COPG2: variants seen among roughly 807,000 people sequenced by gnomAD.
COPG2 encodes the protein coat protein complex I subunit gamma 2, also known as coatomer subunit gamma-2.
A neutral mutation model predicts 46.3 loss-of-function variants in COPG2; 37 were observed. The observed-to-expected ratio is 0.80, with a 90% CI of 0.61 to 1.05. The LOEUF is 1.05. COPG2 is among the 50% of genes least tolerant of loss of function. COPG2 has a pLI of 0.00. For synonymous variants in COPG2, 159 were observed against 129.7 expected, an observed-to-expected ratio of 1.23 and a Z score of -1.53; for missense variants, 427 against 387.8, an observed-to-expected ratio of 1.10 and a Z score of -0.85.
intron 18 of COPG2, 99 bp from the exon 19 acceptor site, chr7:130,548,641 G>A (rs1394087551): frequency 7.6e-6 from 3 of 392,210 alleles, no homozygotes; most frequent in Non-Finnish European, 1.3e-5. Flanking sequence ...AGTGGCTCAC[G>A]CCTGTAATCC....
chr7:130,549,428 C>G (rs1793499440), intron 17 of COPG2, 52 bp from the exon 18 acceptor site: 1 of 398,344 alleles, frequency 2.5e-6, no homozygotes, highest in Non-Finnish European at 4.4e-6. Context: ...TACTATCAAG[C>G]TAGCAATGCA....
chr7:130,516,589 A>G (rs986127760), intron 20 of COPG2, among the ~76,000 whole-genome samples: 2 of 152,186 alleles, frequency 1.3e-5, no homozygotes, highest in Non-Finnish European at 2.9e-5. Context: ...TAAATAGGGA[A>G]AGAGAACGTG....
rs1793655722 is a variant in COPG2, at chr7:130,557,840, C to CAAAAAAAAAAA, written c.1129-2709_1129-2708insTTTTTTTTTTT. The stretch of plus-strand genomic sequence containing the variant: ...CTCAAAAAAAAAAAAAAAAAAAAAT[C>CAAAAAAAAAAA]ATGCAAGAATAGCCAGGAAAACAAT... On this transcript the variant is annotated intron_variant, in intron 12 of 23. Transcript: ENST00000425248. Among the ~76,000 whole-genome samples the CAAAAAAAAAAA allele has an allele frequency of 8.9e-4, 20 of 22,428 alleles. 2 individuals carry two copies. Among genetic ancestry groups the CAAAAAAAAAAA allele is most frequent in the African/African-American group, 1.9e-3 (11 of 5,860 alleles). The allele number at this position is 22,428 out of a possible 152,430, so 14.7% of individuals were successfully genotyped here.
chr7:130,640,282 C>T (rs1389484960), intron 5 of COPG2, among the ~76,000 whole-genome samples: 1 of 148,508 alleles, frequency 6.7e-6, no homozygotes, highest in Non-Finnish European at 1.5e-5. Flanking sequence ...GGGTCAAACT[C>T]AAGGTATAAA....
Position 130,555,044 on chromosome 7 carries a change from C to T in COPG2, c.1217G>A (p.Arg406Gln), listed in dbSNP as rs1793598462. ...VMMTFLSNML[R>Q]DDGGFEYKRA... is the part of the protein sequence containing the mutation. ...AAAAAGTAGTCTACCTACATCATCTCGGAGCATGTTGGAGAGGAAAGTCAT... is the reference window on the plus strand; with the variant it reads ...AAAAAGTAGTCTACCTACATCATCTTGGAGCATGTTGGAGAGGAAAGTCAT... The change falls in exon 13 of 24, where the codon CGA (arginine) becomes CAA (glutamine). Residue 406 changes from arginine (R) to glutamine (Q), a missense_variant. Transcript: ENST00000425248. 2 of 398,256 alleles carry T rather than the reference C, an allele frequency of 5.0e-6. No homozygotes were observed. The highest frequency in any genetic ancestry group is 8.8e-6 in the Non-Finnish European group (2 of 225,992). 24.7% of individuals were successfully genotyped at this position (398,256 alleles called of 1,614,324 possible).
In COPG2 at chr7:130,574,376, G is replaced by T. The variant is rs372817568; in HGVS notation, c.738-9983C>A. Among the ~76,000 whole-genome samples the T allele has an allele frequency of 1.1e-4, 17 of 152,304 alleles. 1 individual carries two copies. The highest frequency in any genetic ancestry group is 9.6e-4 in the East Asian group (5 of 5,186). Reference sequence around the variant, plus strand: ...TCAGGAGTTCACATCACAGGACTCTGCAGACAATCCCTGGTACCAGCTTGG... The same window carrying T: ...TCAGGAGTTCACATCACAGGACTCTTCAGACAATCCCTGGTACCAGCTTGG... On this transcript the variant is annotated intron_variant, in intron 9 of 23. Transcript: ENST00000425248.
intron 5 of COPG2, among the ~76,000 whole-genome samples, chr7:130,651,005 T>C (rs977530141): frequency 6.6e-6 from 1 of 152,240 alleles, no homozygotes; most frequent in Non-Finnish European, 1.5e-5. Context: ...TCTGCTTTTC[T>C]GTTATTTTCA....
chr7:130,550,888 A>G (rs2116386591), intron 16 of COPG2, among the ~76,000 whole-genome samples: 1 of 152,346 alleles, frequency 6.6e-6, no homozygotes, highest in East Asian at 1.9e-4. Context: ...AACAAAATGT[A>G]TGTACCTCCC....
chr7:130,520,255 G>A (rs1375922702), intron 20 of COPG2, among the ~76,000 whole-genome samples: 1 of 152,110 alleles, frequency 6.6e-6, no homozygotes, highest in Non-Finnish European at 1.5e-5. Context: ...TGTTAAATTG[G>A]CCAAGAAGTT....
intron 4 of COPG2, among the ~76,000 whole-genome samples, chr7:130,661,862 A>T (rs1328115595): frequency 6.6e-6 from 1 of 152,200 alleles, no homozygotes; most frequent in African/African-American, 2.4e-5. Context: ...GGGGGCCAGA[A>T]ATCTATAACT....
chr7:130,573,487 T>C (rs545245510), intron 9 of COPG2, among the ~76,000 whole-genome samples: 1 of 151,990 alleles, frequency 6.6e-6, no homozygotes, highest in Non-Finnish European at 1.5e-5. Flanking sequence ...AAAAGAATTA[T>C]ATACATAATT....
At chr7:130,557,058 A>G (rs1793638759) in intron 12 of COPG2, among the ~76,000 whole-genome samples, 2 of 152,332 alleles carry the variant, frequency 1.3e-5, no homozygotes, top group East Asian at 3.9e-4. Context: ...ATCGGAGAAG[A>G]CAAAACAAAC....
intron 9 of COPG2, among the ~76,000 whole-genome samples, chr7:130,602,038 G>A (rs186680873): frequency 1.3e-5 from 2 of 152,234 alleles, no homozygotes; most frequent in East Asian, 3.9e-4. Flanking sequence ...CTAGGCCAAC[G>A]ACTTGATTAT....
At position 130,516,238 on chromosome 7, in the gene COPG2, G is replaced by A. The variant is rs985790181; in HGVS notation, c.2150-7579C>T. ...GAGGTATTTGGCACCATACTTGGGC[G>A]AAAGGTCATGATGGAAAATAAAGAA... On this transcript the variant is annotated intron_variant, in intron 20 of 23. Transcript: ENST00000425248. Among the ~76,000 whole-genome samples the A allele has an allele frequency of 3.9e-5, 6 of 152,308 alleles. No homozygotes were observed. In the South Asian group the frequency reaches 1.2e-3, roughly 32 times the overall value.
intron 14 of COPG2, among the ~76,000 whole-genome samples, chr7:130,553,358 G>C (rs1793563962): frequency 6.6e-6 from 1 of 151,726 alleles, no homozygotes; most frequent in Admixed American, 6.6e-5. Context: ...TTTTAGCAGA[G>C]TGTAAAGAAT....
At chr7:130,540,737 G>A (rs1037154696) in intron 20 of COPG2, among the ~76,000 whole-genome samples, 1 of 152,090 alleles carries the variant, frequency 6.6e-6, no homozygotes, top group Non-Finnish European at 1.5e-5. Flanking sequence ...TGGTCTAGGT[G>A]TGAAATGAGG....
chr7:130,667,657 G>A (rs1285791793), intron 1 of COPG2, 123 bp from the exon 2 acceptor site: 1 of 666,186 alleles, frequency 1.5e-6, no homozygotes, highest in Admixed American at 2.6e-5. Flanking sequence ...TGATAATCAT[G>A]GCTAATACGC....
chr7:130,621,943 C>CAAA (rs562107230), intron 5 of COPG2, among the ~76,000 whole-genome samples: 13 of 67,472 alleles, frequency 1.9e-4, no homozygotes, highest in Non-Finnish European at 2.8e-4. Flanking sequence ...GACTCCATCT[C>CAAA]AAAAAAAAAA....
chr7:130,621,940 T>A (rs1795045701), intron 5 of COPG2, among the ~76,000 whole-genome samples: 3 of 78,534 alleles, frequency 3.8e-5, no homozygotes, highest in East Asian at 6.1e-4. Context: ...CGAGACTCCA[T>A]CTCAAAAAAA....
Sources: allele counts gnomAD v4.1 joint callset (sites outside exome capture counted in the v4.1 genomes callset), GRCh38; gene constraint gnomAD v4.1.1; transcripts MANE v1.5; gene names NCBI Gene and HGNC (gene_info 2026-07-23, HGNC 2026-07-21).